SCHIP1: variants seen among roughly 807,000 people sequenced by gnomAD.
SCHIP1 encodes the protein schwannomin-interacting protein 1.
Under a neutral mutation model 29.7 loss-of-function variants are expected in SCHIP1, and 8 were observed. The ratio of observed to expected loss-of-function variants is 0.27; its 90% confidence interval spans 0.16 to 0.49. The LOEUF (loss-of-function observed/expected upper bound fraction) is 0.49. Ranked by LOEUF, SCHIP1 falls within the 20% of genes least tolerant of loss-of-function variation. SCHIP1 has a pLI of 0.99. For missense variants in SCHIP1, 193 were observed against 294.6 expected, an observed-to-expected ratio of 0.66 and a Z score of 2.52; for synonymous variants, 76 against 94.9, an observed-to-expected ratio of 0.80 and a Z score of 1.16.
the SCHIP1 span, among the ~76,000 whole-genome samples, chr3:159,642,402 A>C: frequency 6.6e-6 from 1 of 152,102 alleles, no homozygotes; most frequent in Non-Finnish European, 1.5e-5. Context: ...TCAAGGCATA[A>C]CAAATGTGAC....
At chr3:159,413,963 AC>A in the SCHIP1 span, among the ~76,000 whole-genome samples, 1 of 152,172 alleles carries the variant, frequency 6.6e-6, no homozygotes, top group African/African-American at 2.4e-5. Flanking sequence ...CATGTAAGAC[AC>A]CCATCCAGTG....
At chr3:159,515,851 A>G in the SCHIP1 span, among the ~76,000 whole-genome samples, 1 of 152,228 alleles carries the variant, frequency 6.6e-6, no homozygotes, top group Non-Finnish European at 1.5e-5. Context: ...AATAAAATAG[A>G]CAAAAACTCC....
At chr3:159,626,267 G>T in the SCHIP1 span, among the ~76,000 whole-genome samples, 1 of 138,770 alleles carries the variant, frequency 7.2e-6, no homozygotes. Flanking sequence ...TAGATAGATA[G>T]ATAGATAGAT....
At chr3:159,512,058 C>A in the SCHIP1 span, among the ~76,000 whole-genome samples, 1 of 151,852 alleles carries the variant, frequency 6.6e-6, no homozygotes, top group Admixed American at 6.6e-5. Context: ...AAAATGTAAG[C>A]AACATATCTG....
the SCHIP1 span, among the ~76,000 whole-genome samples, chr3:159,683,437 C>T: frequency 6.6e-6 from 1 of 151,924 alleles, no homozygotes; most frequent in Non-Finnish European, 1.5e-5. Flanking sequence ...TGCTCCATTG[C>T]GTTTTTTTTC....
At chr3:159,683,420 G>C in the SCHIP1 span, among the ~76,000 whole-genome samples, 1 of 151,968 alleles carries the variant, frequency 6.6e-6, no homozygotes, top group African/African-American at 2.4e-5. Flanking sequence ...TCCTTAGCTG[G>C]TGTTCTTGCT....
chr3:159,369,203 C>A, the SCHIP1 span, among the ~76,000 whole-genome samples: 2 of 152,172 alleles, frequency 1.3e-5, no homozygotes, highest in South Asian at 2.1e-4. Flanking sequence ...CAGTAACAAC[C>A]TGTTAACTAT....
chr3:159,682,397 G>A, the SCHIP1 span, among the ~76,000 whole-genome samples: 523 of 152,250 alleles, frequency 3.4e-3, 3 homozygotes, highest in African/African-American at 0.012. Flanking sequence ...GCATGGGAAG[G>A]TGGCTGGTAC....
chr3:159,378,551 A>C, the SCHIP1 span, among the ~76,000 whole-genome samples: 4 of 152,184 alleles, frequency 2.6e-5, no homozygotes, highest in African/African-American at 7.2e-5. Context: ...GTAAATCTGC[A>C]TCTGTTATGT....
At chr3:159,674,254 G>C in the SCHIP1 span, among the ~76,000 whole-genome samples, 1 of 152,064 alleles carries the variant, frequency 6.6e-6, no homozygotes, top group South Asian at 2.1e-4. Context: ...CATTAATTAA[G>C]CACAAGTCAT....
the SCHIP1 span, chr3:159,721,479 G>A: frequency 6.6e-6 from 1 of 152,202 alleles, no homozygotes; most frequent in Admixed American, 6.6e-5. Flanking sequence ...GAAAGGGATG[G>A]AGAGAGAAAG....
Position 159,873,750 on chromosome 3 carries a change from A to G in SCHIP1, c.149+7469A>G, listed in dbSNP as rs139831913. On this transcript the variant is annotated intron_variant, in intron 2 of 6. Coordinates refer to ENST00000445224, the Ensembl canonical transcript of SCHIP1. ...CTGTATAACCTTTGTCATTTTTTCT[A>G]TTTAAAAGTGTTTCCGTAAAAAGTT... 4.6e-3 allele frequency among the ~76,000 whole-genome samples: 704 copies of G among 152,290 alleles called. 4 individuals carry two copies. The highest frequency in any genetic ancestry group is 6.3e-3 in the Non-Finnish European group (427 of 68,002).
the SCHIP1 span, chr3:159,273,824 G>C: frequency 6.2e-7 from 1 of 1,613,478 alleles, no homozygotes; most frequent in African/African-American, 1.3e-5. Context: ...CAGCACCATG[G>C]AGAGGTCCGG....
At chr3:159,789,069 G>T in the SCHIP1 span, among the ~76,000 whole-genome samples, 1 of 152,086 alleles carries the variant, frequency 6.6e-6, no homozygotes, top group African/African-American at 2.4e-5. Flanking sequence ...AAGCATTTCA[G>T]ATAAGAGATA....
the SCHIP1 span, among the ~76,000 whole-genome samples, chr3:159,533,886 A>G: frequency 6.6e-6 from 1 of 152,228 alleles, no homozygotes; most frequent in African/African-American, 2.4e-5. Context: ...TTGGCCAGAG[A>G]AGGTACACTG....
At chr3:159,581,635 G>C in the SCHIP1 span, among the ~76,000 whole-genome samples, 8 of 152,060 alleles carry the variant, frequency 5.3e-5, no homozygotes, top group South Asian at 2.1e-4. Flanking sequence ...ACAGAGAAGG[G>C]GAGAGCAGTC....
the SCHIP1 span, among the ~76,000 whole-genome samples, chr3:159,641,472 T>A: frequency 3.9e-5 from 6 of 152,174 alleles, no homozygotes; most frequent in South Asian, 8.3e-4. Flanking sequence ...TTAGCATCAA[T>A]TTCATGGAGA....
At chr3:159,562,216 C>T in the SCHIP1 span, among the ~76,000 whole-genome samples, 1 of 152,314 alleles carries the variant, frequency 6.6e-6, no homozygotes, top group East Asian at 1.9e-4. Flanking sequence ...TTATTTACTT[C>T]CTCTGTTTTC....
chr3:159,482,349 G>C, the SCHIP1 span, among the ~76,000 whole-genome samples: 2 of 152,062 alleles, frequency 1.3e-5, no homozygotes, highest in African/African-American at 4.8e-5. Context: ...TAGAAGAGAG[G>C]GAAAATATGT....
Sources: allele counts gnomAD v4.1 joint callset (sites outside exome capture counted in the v4.1 genomes callset), GRCh38; gene constraint gnomAD v4.1.1; transcripts MANE v1.5; gene names NCBI Gene and HGNC (gene_info 2026-07-23, HGNC 2026-07-21).